Variants in ACOXL observed in about 807,000 individuals in gnomAD.
ACOXL encodes acyl-coenzyme A oxidase-like protein.
A neutral mutation model predicts 71.9 loss-of-function variants in ACOXL; 70 were observed. The observed-to-expected ratio is 0.97, with a 90% CI of 0.80 to 1.19. The LOEUF (loss-of-function observed/expected upper bound fraction) is 1.19. ACOXL is among the 50% of genes most tolerant of loss of function. ACOXL has a pLI of 0.00. For missense variants in ACOXL, 703 were observed against 736.3 expected (o/e 0.95, Z 0.52); for synonymous variants, 253 against 281.6 (o/e 0.90, Z 1.02).
chr2:110,907,620 A>G (rs1416219623), intron 10 of ACOXL, among the ~76,000 whole-genome samples: 1 of 152,080 alleles, frequency 6.6e-6, no homozygotes, highest in Non-Finnish European at 1.5e-5. Flanking sequence ...TGGGGTGGTT[A>G]GACTGTGCCT....
At chr2:110,847,742 C>T (rs986422661) in intron 10 of ACOXL, among the ~76,000 whole-genome samples, 1 of 152,220 alleles carries the variant, frequency 6.6e-6, no homozygotes, top group Non-Finnish European at 1.5e-5. Context: ...CCTGGCACCC[C>T]TCGAGGGCTG....
At chr2:111,078,503 A>T (rs899035399) in intron 16 of ACOXL, among the ~76,000 whole-genome samples, 1 of 152,136 alleles carries the variant, frequency 6.6e-6, no homozygotes, top group African/African-American at 2.4e-5. Flanking sequence ...ACCTCAAGTG[A>T]TCTGCCCACC....
chr2:110,822,949 A>G (rs1292594513), intron 9 of ACOXL, among the ~76,000 whole-genome samples: 1 of 152,136 alleles, frequency 6.6e-6, no homozygotes, highest in Non-Finnish European at 1.5e-5. Flanking sequence ...TTCACTTAGT[A>G]ATATACATTT....
intron 12 of ACOXL, among the ~76,000 whole-genome samples, chr2:110,965,200 A>T (rs950853552): frequency 1.3e-5 from 2 of 152,126 alleles, no homozygotes; most frequent in African/African-American, 4.8e-5. Flanking sequence ...TGTATATACC[A>T]TATTTTCTTT....
At chr2:111,089,166 G>A (rs888643197) in intron 16 of ACOXL, among the ~76,000 whole-genome samples, 1 of 152,154 alleles carries the variant, frequency 6.6e-6, no homozygotes, top group African/African-American at 2.4e-5. Context: ...TGGGCATGGT[G>A]GCGTGAGCAT....
intron 11 of ACOXL, among the ~76,000 whole-genome samples, chr2:110,911,718 C>G (rs577118135): frequency 6.6e-6 from 1 of 151,954 alleles, no homozygotes; most frequent in Admixed American, 6.5e-5. Context: ...TTTCTTTACC[C>G]GATTAAAGTC....
intron 8 of ACOXL, among the ~76,000 whole-genome samples, 166 bp from the exon 9 acceptor site, chr2:110,805,097 G>A (rs1213133936): frequency 6.6e-6 from 1 of 152,192 alleles, no homozygotes; most frequent in African/African-American, 2.4e-5. Flanking sequence ...AGCATCTCTT[G>A]GAGAGGGACT....
intron 9 of ACOXL, among the ~76,000 whole-genome samples, chr2:110,810,025 A>T (rs1177136129): frequency 6.6e-6 from 1 of 151,854 alleles, no homozygotes; most frequent in Non-Finnish European, 1.5e-5. Context: ...GCTCTCCACC[A>T]CTCAGCCTGT....
chr2:110,995,845 C>G (rs1478412551), intron 13 of ACOXL, 48 bp from the exon 14 acceptor site: 5 of 1,460,898 alleles, frequency 3.4e-6, no homozygotes, highest in Non-Finnish European at 4.8e-6. Flanking sequence ...AAATGAAATT[C>G]TTGGTGAGGC....
In ACOXL at chr2:110,847,446, G is replaced by A. The variant is rs150878106; in HGVS notation, c.788+6041G>A. Among the ~76,000 whole-genome samples, 131 of 152,272 alleles carry A rather than the reference G, an allele frequency of 8.6e-4. 3 individuals carry two copies. The East Asian group carries it at 0.023, about 27-fold the overall frequency. ...CTAAGAAGAGCTCGTGAAAGTGGAGGATGAGAGCAGTGAACTAATTCCTAA... is the reference window on the plus strand; with the variant it reads ...CTAAGAAGAGCTCGTGAAAGTGGAGAATGAGAGCAGTGAACTAATTCCTAA... On this transcript the variant is annotated intron_variant, in intron 10 of 17. Transcript: ENST00000439055.
intron 10 of ACOXL, among the ~76,000 whole-genome samples, chr2:110,875,451 AT>A (rs1695788114): frequency 6.6e-6 from 1 of 152,164 alleles, no homozygotes; most frequent in African/African-American, 2.4e-5. Flanking sequence ...CCTTGTAGAT[AT>A]GGGGAGGTGT....
intron 10 of ACOXL, among the ~76,000 whole-genome samples, chr2:110,883,190 A>G (rs1696881663): frequency 6.8e-6 from 1 of 146,040 alleles, no homozygotes; most frequent in South Asian, 2.2e-4. Flanking sequence ...GCTCATTGCA[A>G]ACTCCACTTC....
chr2:110,733,306 C>G (rs1676422230), intron 1 of ACOXL, among the ~76,000 whole-genome samples: 1 of 151,468 alleles, frequency 6.6e-6, no homozygotes, highest in Admixed American at 6.6e-5. Flanking sequence ...TTCAGCGGGG[C>G]GGTTTGGTTA....
chr2:110,967,938 C>A, intron 12 of ACOXL: 1 of 944,670 alleles, frequency 1.1e-6, no homozygotes. Flanking sequence ...CTCGGAAATA[C>A]TTGGAGATAC....
At chr2:110,855,915 C>T (rs1367348746) in intron 10 of ACOXL, among the ~76,000 whole-genome samples, 3 of 152,180 alleles carry the variant, frequency 2.0e-5, no homozygotes, top group East Asian at 1.9e-4. Flanking sequence ...AGCGGGTTGC[C>T]GCTGCTGGCT....
chr2:110,912,067 T>C (rs1297627749), intron 11 of ACOXL, among the ~76,000 whole-genome samples: 1 of 151,748 alleles, frequency 6.6e-6, no homozygotes, highest in African/African-American at 2.4e-5. Flanking sequence ...CAATGAATAA[T>C]CCAAAAATCA....
chr2:111,118,267 A>C lies in ACOXL; in HGVS notation c.*451A>C. ...CCCTTAGACAAAAGAAAAAAGCTCC[A>C]CTCTTTCCGCGAGCGGGAAAAAAGG... On this transcript the variant is annotated 3_prime_UTR_variant, in exon 18 of 18. Transcript: ENST00000439055. 1 of 168,670 alleles carries C rather than the reference A, an allele frequency of 5.9e-6. No individual in the cohort carries two copies. The highest frequency in any genetic ancestry group is 1.8e-4 in the East Asian group (1 of 5,642). 10.4% of individuals were successfully genotyped at this position (168,670 alleles called of 1,614,324 possible).
At chr2:110,762,555 T>C (rs986370786) in intron 1 of ACOXL, among the ~76,000 whole-genome samples, 5 of 152,226 alleles carry the variant, frequency 3.3e-5, no homozygotes, top group African/African-American at 1.2e-4. Context: ...ACCTAATTTA[T>C]CATAGTTTAC....
At chr2:110,988,534 A>G (rs773703877) in intron 13 of ACOXL, among the ~76,000 whole-genome samples, 6 of 152,144 alleles carry the variant, frequency 3.9e-5, no homozygotes, top group African/African-American at 9.7e-5. Flanking sequence ...TACGGTATAT[A>G]TTACCTAGGA....
Sources: gnomAD v4.1 joint callset for allele counts (sites outside exome capture counted in the v4.1 genomes callset) on GRCh38, gnomAD v4.1.1 for gene constraint, MANE v1.5 for transcripts, NCBI Gene and HGNC (gene_info 2026-07-23, HGNC 2026-07-21) for gene names.